The following GPC5 variants were observed in gnomAD, a reference collection of about 807,000 sequenced individuals.
GPC5 encodes glypican-5.
GPC5 carries 47 observed loss-of-function variants against 53.9 expected under a neutral mutation model. That is an observed-to-expected ratio of 0.87 (90% CI 0.69 to 1.11). The LOEUF is 1.11. GPC5 is among the 50% of genes most tolerant of loss of function. GPC5 has a pLI of 0.00. For synonymous variants in GPC5, 286 were observed against 263.3 expected (o/e 1.09, Z -0.84); for missense variants, 748 against 713.1 (o/e 1.05, Z -0.56).
chr13:92,798,648 T>C (rs921932190), intron 7 of GPC5, among the ~76,000 whole-genome samples: 3 of 151,876 alleles, frequency 2.0e-5, no homozygotes, highest in Admixed American at 6.6e-5. Flanking sequence ...GTGTGTTTCG[T>C]ACTAGAGATG....
intron 2 of GPC5, among the ~76,000 whole-genome samples, chr13:91,466,721 G>C (rs1446752475): frequency 6.6e-6 from 1 of 152,074 alleles, no homozygotes; most frequent in Non-Finnish European, 1.5e-5. Flanking sequence ...AACTGGTGAT[G>C]GAGTGGGACT....
intron 7 of GPC5, among the ~76,000 whole-genome samples, chr13:92,260,558 A>ACCC (rs541465488): frequency 6.6e-6 from 1 of 151,948 alleles, no homozygotes; most frequent in Non-Finnish European, 1.5e-5. Context: ...TCCTGTTTTC[A>ACCC]CCCCCACTGC....
At chr13:91,531,138 A>G (rs1335875652) in intron 2 of GPC5, among the ~76,000 whole-genome samples, 2 of 152,236 alleles carry the variant, frequency 1.3e-5, no homozygotes, top group Admixed American at 1.3e-4. Flanking sequence ...TGACTGAGGT[A>G]AGCTTCACAA....
chr13:91,929,181 C>T (rs1268060157), intron 6 of GPC5, among the ~76,000 whole-genome samples: 2 of 152,018 alleles, frequency 1.3e-5, no homozygotes, highest in East Asian at 3.9e-4. Context: ...TAACTACAGG[C>T]TTTATTCATT....
chr13:92,796,257 C>T (rs933740265), intron 7 of GPC5, among the ~76,000 whole-genome samples: 2 of 152,028 alleles, frequency 1.3e-5, no homozygotes, highest in African/African-American at 2.4e-5. Flanking sequence ...CAAACTATCA[C>T]AAGGACAGAA....
At chr13:91,608,119 T>C (rs7987505) in intron 2 of GPC5, among the ~76,000 whole-genome samples, 5,252 of 152,264 alleles carry the variant, frequency 0.034, 301 homozygotes, top group African/African-American at 0.12. Context: ...TATAAAACAA[T>C]GTTTCTCAAG....
chr13:92,863,684 G>A (rs1283462070), intron 7 of GPC5, among the ~76,000 whole-genome samples: 9 of 152,024 alleles, frequency 5.9e-5, no homozygotes, highest in African/African-American at 1.4e-4. Flanking sequence ...GTAGAGACGG[G>A]GTTTCTCCAT....
intron 7 of GPC5, among the ~76,000 whole-genome samples, chr13:92,783,312 G>A (rs779535617): frequency 6.6e-6 from 1 of 152,154 alleles, no homozygotes; most frequent in Non-Finnish European, 1.5e-5. Flanking sequence ...ATAGTAGACT[G>A]CTGAGTGCAT....
intron 5 of GPC5, among the ~76,000 whole-genome samples, chr13:91,805,215 G>T (rs1283330530): frequency 1.3e-5 from 2 of 152,102 alleles, no homozygotes; most frequent in East Asian, 3.9e-4. Flanking sequence ...CAACCCTCAA[G>T]TTCCACCCTC....
At chr13:91,782,410 G>T (rs1343082487) in intron 5 of GPC5, among the ~76,000 whole-genome samples, 2 of 152,152 alleles carry the variant, frequency 1.3e-5, no homozygotes, top group African/African-American at 4.8e-5. Context: ...TTACAGTCAT[G>T]GTGGAAGGTG....
At chr13:91,471,032 A>G (rs962244700) in intron 2 of GPC5, among the ~76,000 whole-genome samples, 2 of 152,170 alleles carry the variant, frequency 1.3e-5, no homozygotes, top group Non-Finnish European at 2.9e-5. Context: ...AAAAAAACAA[A>G]CAACCCCCCA....
intron 7 of GPC5, among the ~76,000 whole-genome samples, chr13:92,751,336 C>A (rs1273956453): frequency 6.8e-4 from 28 of 41,460 alleles, no homozygotes; most frequent in Non-Finnish European, 9.3e-4. Flanking sequence ...AAAAAAAAAA[C>A]CTTCCAACCT....
At chr13:92,021,953 GATTT>G (rs1441777396) in intron 6 of GPC5, among the ~76,000 whole-genome samples, 1 of 151,886 alleles carries the variant, frequency 6.6e-6, no homozygotes, top group Non-Finnish European at 1.5e-5. Context: ...GAGGAACATT[GATTT>G]ATTTCAGAAA....
chr13:91,814,152 T>C (rs2038362904), intron 5 of GPC5, among the ~76,000 whole-genome samples: 1 of 152,010 alleles, frequency 6.6e-6, no homozygotes, highest in Non-Finnish European at 1.5e-5. Flanking sequence ...CAAGATGGTC[T>C]TTATCTCTTG....
Position 92,280,353 on chromosome 13 carries a change from ATCTCT to A in GPC5, c.1561+135370_1561+135374del, listed in dbSNP as rs138286508. Among the ~76,000 whole-genome samples the A allele has an allele frequency of 4.9e-3, 746 of 152,202 alleles. 2 individuals carry two copies. The highest frequency in any genetic ancestry group is 8.3e-3 in the Non-Finnish European group (561 of 67,976). The stretch of plus-strand genomic sequence containing the variant: ...TATTTTTCTACTTTATCTTTGATTT[ATCTCT>A]TCTCTAAACTCTATTAGTTCCTTCC... On this transcript the variant is annotated intron_variant, in intron 7 of 7. Coordinates refer to ENST00000377067, the MANE Select transcript of GPC5 (RefSeq NM_004466.6).
intron 2 of GPC5, among the ~76,000 whole-genome samples, chr13:91,474,180 T>G (rs1172661411): frequency 3.3e-5 from 5 of 152,148 alleles, no homozygotes; most frequent in Non-Finnish European, 7.4e-5. Context: ...ATGGAGACAT[T>G]TTGCATATTT....
At chr13:91,674,502 T>C (rs2035327732) in intron 2 of GPC5, among the ~76,000 whole-genome samples, 1 of 149,682 alleles carries the variant, frequency 6.7e-6, no homozygotes, top group Non-Finnish European at 1.5e-5. Context: ...TATATGCATA[T>C]GTGTATATAT....
intron 7 of GPC5, among the ~76,000 whole-genome samples, chr13:92,841,529 A>G (rs1233633239): frequency 6.6e-6 from 1 of 152,084 alleles, no homozygotes; most frequent in Non-Finnish European, 1.5e-5. Flanking sequence ...GATAATTCTG[A>G]CTCCAAGATA....
intron 6 of GPC5, among the ~76,000 whole-genome samples, chr13:92,003,184 A>G (rs1196904171): frequency 6.6e-6 from 1 of 151,806 alleles, no homozygotes; most frequent in African/African-American, 2.4e-5. Flanking sequence ...GGTGGTGCAT[A>G]CCTGTAATCC....
Sources: allele counts gnomAD v4.1 joint callset (sites outside exome capture counted in the v4.1 genomes callset), GRCh38; gene constraint gnomAD v4.1.1; transcripts MANE v1.5; gene names NCBI Gene and HGNC (gene_info 2026-07-23, HGNC 2026-07-21).